Variants in ERC1 observed in about 807,000 individuals in gnomAD.
ERC1 encodes the protein RAB6 interacting protein 2.
Under a neutral mutation model 132.0 loss-of-function variants are expected in ERC1, and 56 were observed. The observed-to-expected ratio is 0.42, with a 90% CI of 0.34 to 0.53. The LOEUF (loss-of-function observed/expected upper bound fraction) is 0.53, where lower values mean the gene tolerates loss of function less well. ERC1 is among the 20% of genes least tolerant of loss of function. The probability of loss-of-function intolerance (pLI) is 0.03; values close to 1 mark genes in which losing one functional copy is unlikely to be tolerated. For missense variants in ERC1, 1,202 were observed against 1,349.9 expected (o/e 0.89, Z 1.72); for synonymous variants, 478 against 476.1 (o/e 1.00, Z -0.05).
intron 7 of ERC1, among the ~76,000 whole-genome samples, chr12:1,121,707 CTGTG>C (rs1177070563): frequency 4.6e-5 from 2 of 43,412 alleles, no homozygotes; most frequent in Non-Finnish European, 9.5e-5. Context: ...CTATCTCTAT[CTGTG>C]TCTCTATCTC....
At chr12:1,119,978 T>A (rs923457095) in intron 7 of ERC1, among the ~76,000 whole-genome samples, 1 of 152,102 alleles carries the variant, frequency 6.6e-6, no homozygotes, top group Non-Finnish European at 1.5e-5. Flanking sequence ...GGAGGGACAT[T>A]TTTTTATTAA....
At chr12:1,304,859 G>A (rs149560719) in intron 15 of ERC1, among the ~76,000 whole-genome samples, 4,055 of 130,858 alleles carry the variant, frequency 0.031, 63 homozygotes, top group Middle Eastern at 0.1. Flanking sequence ...GCGTGATCTC[G>A]GCTCACTGCA....
chr12:1,356,247 T>TGTGTGTGTGTG (rs1566666305), intron 15 of ERC1, among the ~76,000 whole-genome samples: 6 of 148,778 alleles, frequency 4.0e-5, no homozygotes, highest in South Asian at 2.1e-4. Flanking sequence ...TGTGTGTGTG[T>TGTGTGTGTGTG]TTATATATTT....
chr12:1,473,056 C>T (rs1166472977), intron 18 of ERC1, among the ~76,000 whole-genome samples: 1 of 152,144 alleles, frequency 6.6e-6, no homozygotes, highest in Admixed American at 6.5e-5. Context: ...GAAGGAGTCT[C>T]ACTCTGTTGC....
intron 1 of ERC1, among the ~76,000 whole-genome samples, chr12:1,016,298 G>A (rs1388379112): frequency 6.6e-6 from 1 of 152,220 alleles, no homozygotes; most frequent in Non-Finnish European, 1.5e-5. Context: ...ATTATAGTTA[G>A]TTTGAAGTAA....
intron 17 of ERC1, 26 bp from the exon 18 acceptor site, chr12:1,444,526 CATTTTATTTT>C (rs747905438): frequency 1.4e-6 from 2 of 1,436,954 alleles, no homozygotes; most frequent in Non-Finnish European, 1.9e-6. Context: ...TGACTTTCCT[CATTTTATTTT>C]ATTTTATTTT....
At chr12:1,401,367 G>GA (rs1366814002) in intron 16 of ERC1, among the ~76,000 whole-genome samples, 1 of 152,084 alleles carries the variant, frequency 6.6e-6, no homozygotes, top group African/African-American at 2.4e-5. Flanking sequence ...AAATAAAGGG[G>GA]AGGGAGGATA....
chr12:1,186,024 TGAAACC>T (rs1955056584), intron 11 of ERC1, among the ~76,000 whole-genome samples: 1 of 152,206 alleles, frequency 6.6e-6, no homozygotes, highest in Admixed American at 6.5e-5. Flanking sequence ...TGACAACTGA[TGAAACC>T]TGAAACAAAA....
intron 12 of ERC1, among the ~76,000 whole-genome samples, chr12:1,205,579 A>G (rs1385872304): frequency 2.0e-5 from 3 of 152,106 alleles, no homozygotes; most frequent in Non-Finnish European, 2.9e-5. Flanking sequence ...AGTAAGCTGT[A>G]TTCATTACAG....
In ERC1 at chr12:1,347,442, A is replaced by C. The variant is rs183797480; in HGVS notation, c.2781-24391A>C. Among the ~76,000 whole-genome samples the C allele has an allele frequency of 2.3e-4, 32 of 137,088 alleles. No individual in the cohort carries two copies. In the East Asian group the frequency reaches 5.7e-3, roughly 25 times the overall value. The allele number at this position is 137,088 out of a possible 152,430, so 89.9% of individuals were successfully genotyped here. A position where few individuals can be genotyped will look rare whatever the true frequency, so the allele number is the denominator to read the frequency against. On this transcript the variant is annotated intron_variant, in intron 15 of 18. Transcript: ENST00000360905. ...TGGAATTGTTAAATCAAGCTAATTA[A>C]CATATCATTATCTCACATGCTTGTC...
At chr12:1,020,320 G>T (rs765652011) in intron 1 of ERC1, among the ~76,000 whole-genome samples, 1 of 152,130 alleles carries the variant, frequency 6.6e-6, no homozygotes. Context: ...AGCAGGGCCT[G>T]GTGGCACATG....
At chr12:1,480,018 A>G (rs1437030662) in intron 18 of ERC1, among the ~76,000 whole-genome samples, 2 of 151,760 alleles carry the variant, frequency 1.3e-5, no homozygotes, top group African/African-American at 4.8e-5. Flanking sequence ...GAAGGTGTAT[A>G]CTTGTACATG....
At chr12:1,359,676 A>G (rs1180294491) in intron 15 of ERC1, among the ~76,000 whole-genome samples, 3 of 152,206 alleles carry the variant, frequency 2.0e-5, no homozygotes, top group Non-Finnish European at 4.4e-5. Flanking sequence ...CTACCTATTA[A>G]TACTGTTACA....
At chr12:1,121,362 A>G (rs898887922) in intron 7 of ERC1, among the ~76,000 whole-genome samples, 1 of 152,220 alleles carries the variant, frequency 6.6e-6, no homozygotes, top group African/African-American at 2.4e-5. Flanking sequence ...TATGATGTGC[A>G]TAGACGACCA....
In ERC1 at chr12:1,180,579, C is replaced by G. The variant is rs1421650786; in HGVS notation, c.1777C>G (p.Gln593Glu). 1 of 1,613,978 alleles carries G rather than the reference C, an allele frequency of 6.2e-7. No individual in the cohort carries two copies. ...AGAGCAGCTTAGAGACAAGGAAAAG[C>G]AGATGAGCAGCTTGAAAGAACGGGT... ...LQEQLRDKEK[Q>E]MSSLKERVKS... Residue 593 changes from glutamine (Q) to glutamate (E), a missense_variant, in exon 9 of 19, where the codon CAG (glutamine) becomes GAG (glutamate). Physicochemically the swap from Gln to Glu is conservative, Grantham distance 29. Coordinates refer to ENST00000360905, the MANE Select transcript of ERC1 (RefSeq NM_178040.4).
At chr12:1,039,204 G>A (rs1180582589) in intron 2 of ERC1, among the ~76,000 whole-genome samples, 2 of 151,942 alleles carry the variant, frequency 1.3e-5, no homozygotes, top group African/African-American at 4.8e-5. Context: ...GGGCGTGGTG[G>A]TGGGCGCCTG....
At chr12:1,121,677 A>ATCTATCTCTATC (rs370783673) in intron 7 of ERC1, among the ~76,000 whole-genome samples, 46 of 8,178 alleles carry the variant, frequency 5.6e-3, no homozygotes, top group Admixed American at 0.014. Context: ...CTCTATCTCT[A>ATCTATCTCTATC]TCTATCTCTA....
intron 15 of ERC1, among the ~76,000 whole-genome samples, chr12:1,347,502 C>A (rs1363832271): frequency 1.3e-5 from 2 of 152,122 alleles, no homozygotes. Context: ...AATCTATACT[C>A]AGCAATTTTC....
chr12:1,045,767 T>C (rs564226402), intron 2 of ERC1, among the ~76,000 whole-genome samples: 90 of 152,248 alleles, frequency 5.9e-4, no homozygotes, highest in African/African-American at 2.1e-3. Context: ...TATTCAGTCA[T>C]TTATTAAATG....
Sources: allele counts gnomAD v4.1 joint callset (sites outside exome capture counted in the v4.1 genomes callset), GRCh38; gene constraint gnomAD v4.1.1; transcripts MANE v1.5; gene names NCBI Gene and HGNC (gene_info 2026-07-23, HGNC 2026-07-21).